SHTN1: variants seen among roughly 807,000 people sequenced by gnomAD.
SHTN1 encodes shootin 1.
In SHTN1, 42 loss-of-function variants were observed where a neutral mutation model predicts 83.1. That is an observed-to-expected ratio of 0.51 (90% CI 0.39 to 0.65). The LOEUF (loss-of-function observed/expected upper bound fraction) is 0.65, where lower values mean the gene tolerates loss of function less well. SHTN1 is among the 30% of genes least tolerant of loss of function. The probability of loss-of-function intolerance (pLI) is 0.00; values close to 1 mark genes in which losing one functional copy is unlikely to be tolerated. For synonymous variants in SHTN1, 224 were observed against 247.7 expected (o/e 0.90, Z 0.90); for missense variants, 622 against 737.8 (o/e 0.84, Z 1.82).
chr10:117,105,921 G>C (rs1225730023), intron 1 of SHTN1, among the ~76,000 whole-genome samples: 1 of 152,128 alleles, frequency 6.6e-6, no homozygotes, highest in Non-Finnish European at 1.5e-5. Context: ...GGCTGAGGTG[G>C]GAGGATCGCT....
intron 1 of SHTN1, among the ~76,000 whole-genome samples, chr10:117,094,656 T>G (rs1050560929): frequency 6.6e-6 from 1 of 152,334 alleles, no homozygotes; most frequent in East Asian, 1.9e-4. Context: ...ATCATTTCCC[T>G]GGTTTGAACT....
chr10:116,952,985 T>C (rs1266725449), intron 5 of SHTN1, among the ~76,000 whole-genome samples: 1 of 152,190 alleles, frequency 6.6e-6, no homozygotes, highest in Non-Finnish European at 1.5e-5. Flanking sequence ...CAAAGGGAAC[T>C]CCTTTAAACT....
At chr10:116,937,975 G>A (rs1204912733) in intron 9 of SHTN1, among the ~76,000 whole-genome samples, 2 of 151,194 alleles carry the variant, frequency 1.3e-5, no homozygotes, top group African/African-American at 2.4e-5. Flanking sequence ...ACTTATGTAC[G>A]CTTTACCAAG....
intron 2 of SHTN1, chr10:116,974,268 G>A (rs563258916): frequency 5.5e-6 from 2 of 364,320 alleles, no homozygotes; most frequent in African/African-American, 4.4e-5. Context: ...AAACTGCTAA[G>A]TAATTACTTT....
Position 116,940,568 on chromosome 10 carries a change from C to CAGA in SHTN1, c.753_755dup (p.Leu253dup), listed in dbSNP as rs775482640. ...GCTGATCAGGGATGGAGCTCTGCAG[C>CAGA]AGAAGGTGGCTTTGTCTCTTTAGCT... On this transcript the variant is annotated inframe_insertion, in exon 9 of 17. Transcript: ENST00000355371. 12 of 1,612,722 alleles carry CAGA rather than the reference C, an allele frequency of 7.4e-6. No individual in the cohort carries two copies. The Admixed American group carries it at 2.0e-4, about 27-fold the overall frequency.
chr10:116,925,740 C>T (rs1338430957), intron 11 of SHTN1, among the ~76,000 whole-genome samples: 1 of 152,184 alleles, frequency 6.6e-6, no homozygotes, highest in Non-Finnish European at 1.5e-5. Context: ...GACAAAGTGA[C>T]CAAGGTTTGC....
At chr10:117,071,766 C>T (rs532550488) in intron 1 of SHTN1, among the ~76,000 whole-genome samples, 9 of 152,214 alleles carry the variant, frequency 5.9e-5, no homozygotes, top group African/African-American at 1.7e-4. Context: ...TGGCTGGGTG[C>T]GGTGGCTCAT....
At chr10:116,968,225 T>C (rs1564904588) in intron 3 of SHTN1, among the ~76,000 whole-genome samples, 2 of 152,086 alleles carry the variant, frequency 1.3e-5, no homozygotes, top group Non-Finnish European at 2.9e-5. Flanking sequence ...TGTACATCTG[T>C]ACTGACATGC....
At chr10:116,961,842 G>C (rs916484382) in intron 3 of SHTN1, among the ~76,000 whole-genome samples, 1 of 152,202 alleles carries the variant, frequency 6.6e-6, no homozygotes, top group African/African-American at 2.4e-5. Flanking sequence ...TCAGAGGACA[G>C]TGATTATAAC....
chr10:117,101,348 T>A (rs1853589675), intron 1 of SHTN1, among the ~76,000 whole-genome samples: 1 of 151,954 alleles, frequency 6.6e-6, no homozygotes, highest in Non-Finnish European at 1.5e-5. Context: ...AAATACAAGG[T>A]GATAGAAAAA....
At chr10:116,911,614 A>C (rs998879057) in intron 14 of SHTN1, 176 bp downstream of exon 14, 14 of 1,552,154 alleles carry the variant, frequency 9.0e-6, no homozygotes, top group African/African-American at 1.4e-5. Flanking sequence ...TATTTGAAAA[A>C]TTATTAACAT....
At chr10:116,990,216 T>A (rs1357764664) in intron 1 of SHTN1, among the ~76,000 whole-genome samples, 1 of 152,078 alleles carries the variant, frequency 6.6e-6, no homozygotes, top group Admixed American at 6.5e-5. Context: ...GGGTACATAT[T>A]GATGACTGAT....
At chr10:116,917,574 T>C (rs1404740600) in intron 12 of SHTN1, among the ~76,000 whole-genome samples, 1 of 152,192 alleles carries the variant, frequency 6.6e-6, no homozygotes, top group African/African-American at 2.4e-5. Flanking sequence ...AAGAGCTGCA[T>C]GGTGATAGGA....
chr10:117,017,707 C>T (rs573505097), intron 2 of SHTN1, among the ~76,000 whole-genome samples: 2 of 152,214 alleles, frequency 1.3e-5, no homozygotes, highest in East Asian at 3.9e-4. Flanking sequence ...TGAGTGTAGG[C>T]TGGATTCAGT....
At chr10:116,946,969 C>A (rs1383023334) in intron 7 of SHTN1, among the ~76,000 whole-genome samples, 1 of 151,910 alleles carries the variant, frequency 6.6e-6, no homozygotes, top group Non-Finnish European at 1.5e-5. Flanking sequence ...AATCCGCCCA[C>A]CTCAGCCTCC....
chr10:117,046,825 T>C (rs1852670299), intron 2 of SHTN1, among the ~76,000 whole-genome samples: 1 of 151,878 alleles, frequency 6.6e-6, no homozygotes, highest in Non-Finnish European at 1.5e-5. Flanking sequence ...ATTAGATGAG[T>C]AGTTGCCAGG....
intron 2 of SHTN1, among the ~76,000 whole-genome samples, chr10:117,019,958 CA>C (rs1477835226): frequency 6.6e-6 from 1 of 152,048 alleles, no homozygotes; most frequent in Non-Finnish European, 1.5e-5. Context: ...TAATATAGTT[CA>C]AATGCCAAAT....
At chr10:117,086,218 T>A (rs996203251) in intron 1 of SHTN1, among the ~76,000 whole-genome samples, 1 of 152,206 alleles carries the variant, frequency 6.6e-6, no homozygotes, top group African/African-American at 2.4e-5. Flanking sequence ...GCGTCCATCA[T>A]GAGCCACCGC....
intron 2 of SHTN1, among the ~76,000 whole-genome samples, chr10:117,037,846 A>C (rs1293158268): frequency 1.3e-5 from 2 of 151,768 alleles, no homozygotes; most frequent in Non-Finnish European, 2.9e-5. Context: ...TCTCTACTAA[A>C]AATACAAAAA....
Sources: allele counts gnomAD v4.1 joint callset (sites outside exome capture counted in the v4.1 genomes callset), GRCh38; gene constraint gnomAD v4.1.1; transcripts MANE v1.5; gene names NCBI Gene and HGNC (gene_info 2026-07-23, HGNC 2026-07-21).